NIPSNAP2: variants seen among roughly 807,000 people sequenced by gnomAD.
NIPSNAP2 encodes nipsnap homolog 2.
NIPSNAP2 carries 42 observed loss-of-function variants against 48.4 expected under a neutral mutation model. The ratio of observed to expected loss-of-function variants is 0.87; its 90% confidence interval spans 0.68 to 1.12. NIPSNAP2 has a LOEUF of 1.12. Ranked by LOEUF, NIPSNAP2 falls within the 50% of genes most tolerant of loss-of-function variation. The probability of loss-of-function intolerance (pLI) is 0.00; values close to 1 mark genes in which losing one functional copy is unlikely to be tolerated. For synonymous variants in NIPSNAP2, 158 were observed against 126.6 expected, an observed-to-expected ratio of 1.25 and a Z score of -1.67; for missense variants, 314 against 347.3, an observed-to-expected ratio of 0.90 and a Z score of 0.76.
At chr7:55,971,638 T>A (rs1022823351) in intron 1 of NIPSNAP2, among the ~76,000 whole-genome samples, 4 of 151,208 alleles carry the variant, frequency 2.6e-5, no homozygotes, top group Non-Finnish European at 5.9e-5. Context: ...ACTCTTTTTA[T>A]TTTTTTTTGT....
intron 3 of NIPSNAP2, chr7:55,979,373 G>C (rs1238893456): frequency 1.9e-5 from 3 of 157,512 alleles, no homozygotes; most frequent in Admixed American, 1.9e-4. Context: ...GTTTCTGGCT[G>C]TCTGTTCCTA....
chr7:55,997,177 C>CT (rs1787578791), intron 8 of NIPSNAP2, among the ~76,000 whole-genome samples, 189 bp from the exon 9 acceptor site: 2 of 150,010 alleles, frequency 1.3e-5, no homozygotes, highest in Non-Finnish European at 3.0e-5. Flanking sequence ...AAAAAAAAGA[C>CT]TGAAAGTTTG....
chr7:55,973,189 A>G (rs1221250488), intron 1 of NIPSNAP2, among the ~76,000 whole-genome samples: 1 of 152,124 alleles, frequency 6.6e-6, no homozygotes, highest in Non-Finnish European at 1.5e-5. Flanking sequence ...CTATCCCTTT[A>G]AACCATTTTC....
At chr7:55,973,388 T>G (rs1170351545) in intron 1 of NIPSNAP2, among the ~76,000 whole-genome samples, 1 of 152,090 alleles carries the variant, frequency 6.6e-6, no homozygotes, top group African/African-American at 2.4e-5. Flanking sequence ...TTCTTTTTAA[T>G]CTTTGAAGGA....
At chr7:55,993,142 TACAA>T (rs1370908061) in intron 7 of NIPSNAP2, among the ~76,000 whole-genome samples, 1 of 151,484 alleles carries the variant, frequency 6.6e-6, no homozygotes, top group African/African-American at 2.4e-5. Flanking sequence ...CTACTAAAAA[TACAA>T]AAATTAGCCA....
At chr7:55,982,317 T>C (rs1787231343) in intron 5 of NIPSNAP2, 37 bp downstream of exon 5, 1 of 1,170,314 alleles carries the variant, frequency 8.5e-7, no homozygotes, top group South Asian at 1.3e-5. Context: ...AGACTAATGA[T>C]ATATAGATGT....
Position 55,969,722 on chromosome 7 carries a change from G to A in NIPSNAP2, c.92+5021G>A, listed in dbSNP as rs958847450. On this transcript the variant is annotated intron_variant, in intron 1 of 9. Transcript: ENST00000322090. ...CATATTGCCGGGCGCGGTGGCTCACGCCTGTAATCCCAGAACTTTGGGAGG... is the reference window on the plus strand; with the variant it reads ...CATATTGCCGGGCGCGGTGGCTCACACCTGTAATCCCAGAACTTTGGGAGG... Among the ~76,000 whole-genome samples, 14 of 152,142 alleles carry A rather than the reference G, an allele frequency of 9.2e-5. 1 individual carries two copies. The highest frequency in any genetic ancestry group is 1.2e-4 in the African/African-American group (5 of 41,430).
At chr7:55,970,049 G>A (rs557822197) in intron 1 of NIPSNAP2, among the ~76,000 whole-genome samples, 1 of 151,198 alleles carries the variant, frequency 6.6e-6, no homozygotes, top group African/African-American at 2.4e-5. Context: ...TCATCCTGTG[G>A]TCTCAGCGTT....
intron 7 of NIPSNAP2, among the ~76,000 whole-genome samples, chr7:55,990,231 C>CTTT (rs568097360): frequency 7.3e-5 from 10 of 136,582 alleles, no homozygotes; most frequent in Admixed American, 1.5e-4. Context: ...TGTTTCTTTT[C>CTTT]TTTTTTTTTT....
chr7:55,996,583 T>G (rs1787568052), intron 8 of NIPSNAP2, among the ~76,000 whole-genome samples: 1 of 152,168 alleles, frequency 6.6e-6, no homozygotes, highest in Non-Finnish European at 1.5e-5. Context: ...CCTGCCCAGA[T>G]CAGTGTAGTG....
At chr7:55,984,187 A>G (rs2116356465) in intron 6 of NIPSNAP2, among the ~76,000 whole-genome samples, 1 of 152,328 alleles carries the variant, frequency 6.6e-6, no homozygotes, top group Middle Eastern at 3.4e-3. Context: ...GCTAATAAAC[A>G]CTGTGACTGT....
At chr7:55,973,163 T>A (rs2116335954) in intron 1 of NIPSNAP2, among the ~76,000 whole-genome samples, 1 of 152,240 alleles carries the variant, frequency 6.6e-6, no homozygotes, top group African/African-American at 2.4e-5. Flanking sequence ...TGGAGAAAGC[T>A]GTGTGTCTTT....
chr7:55,996,877 T>C (rs911682385), intron 8 of NIPSNAP2, among the ~76,000 whole-genome samples: 1 of 151,806 alleles, frequency 6.6e-6, no homozygotes, highest in African/African-American at 2.4e-5. Context: ...AACAAACAAA[T>C]AATTTTTTTA....
At chr7:55,989,340 A>G (rs906026354) in intron 7 of NIPSNAP2, among the ~76,000 whole-genome samples, 7 of 152,204 alleles carry the variant, frequency 4.6e-5, no homozygotes, top group Admixed American at 6.6e-5. Context: ...CAAAGCCTCA[A>G]TAGGCCGGGT....
chr7:55,984,861 T>C lies in NIPSNAP2; in HGVS notation c.600T>C (p.Ile200=). Residue 200 remains isoleucine (I), a synonymous_variant, in exon 7 of 10, where the codon ATT becomes ATC. Transcript: ENST00000322090. ...RSYQLRPGTM[I]EWGNYWARAI... ...TCTGTTTTCAGCCAGGAACCATGAT[T>C]GAATGGGGCAATTACTGGTGAGTAT... 1 of 1,611,040 alleles carries C rather than the reference T, an allele frequency of 6.2e-7. No homozygotes were observed. The highest frequency in any genetic ancestry group is 8.5e-7 in the Non-Finnish European group (1 of 1,178,810).
In NIPSNAP2 at chr7:55,964,778, G is replaced by A. The variant is rs561607343; in HGVS notation, c.92+77G>A. 3.0e-5 allele frequency: 22 copies of A among 733,068 alleles called. No homozygotes were observed. In the African/African-American group the frequency reaches 3.6e-4, roughly 12 times the overall value. 45.4% of individuals were successfully genotyped at this position (733,068 alleles called of 1,614,324 possible). A position where few individuals can be genotyped will look rare whatever the true frequency, so the allele number is the denominator to read the frequency against. On this transcript the variant is annotated intron_variant, in intron 1 of 9. Coordinates refer to ENST00000322090, the MANE Select transcript of NIPSNAP2 (RefSeq NM_001483.3). ...CGGAGGGCGCGGGTTTCCCGGCGCC[G>A]GTCTCCGCCCCGGCCCTGTCCCCAG...
At chr7:55,969,784 C>T (rs1009233389) in intron 1 of NIPSNAP2, among the ~76,000 whole-genome samples, 26 of 151,954 alleles carry the variant, frequency 1.7e-4, no homozygotes, top group African/African-American at 6.0e-4. Flanking sequence ...GAGATCGAGA[C>T]CATCCTGGCT....
At chr7:55,982,467 G>T (rs1787233996) in intron 5 of NIPSNAP2, among the ~76,000 whole-genome samples, 187 bp downstream of exon 5, 1 of 152,148 alleles carries the variant, frequency 6.6e-6, no homozygotes. Flanking sequence ...CAACAATTCT[G>T]ACCGGGCGCG....
Position 55,981,551 on chromosome 7 carries a change from C to A in NIPSNAP2, c.357C>A (p.Gly119=), listed in dbSNP as rs1385050119. 6.2e-7 allele frequency: 1 copy of A among 1,613,262 alleles called. No homozygotes were observed. Among genetic ancestry groups the A allele is most frequent in the Non-Finnish European group, 8.5e-7 (1 of 1,179,412 alleles). ...TLVGTWNTWY[G]EQDQAVHLWR... Reference sequence around the variant, plus strand: ...TGGGGACTTGGAACACGTGGTATGGCGAGCAGGACCAAGCTGGTAGGAAGC... The same window carrying A: ...TGGGGACTTGGAACACGTGGTATGGAGAGCAGGACCAAGCTGGTAGGAAGC... Residue 119 remains glycine, a synonymous_variant, in exon 4 of 10, where the codon GGC becomes GGA. Coordinates refer to ENST00000322090, the MANE Select transcript of NIPSNAP2 (RefSeq NM_001483.3).
Sources: allele counts gnomAD v4.1 joint callset (sites outside exome capture counted in the v4.1 genomes callset), GRCh38; gene constraint gnomAD v4.1.1; transcripts MANE v1.5; gene names NCBI Gene and HGNC (gene_info 2026-07-23, HGNC 2026-07-21).